POLA2: variants seen among roughly 807,000 people sequenced by gnomAD.
POLA2 encodes DNA polymerase alpha subunit B.
In POLA2, 47 loss-of-function variants were observed where a neutral mutation model predicts 82.8. That is an observed-to-expected ratio of 0.57 (90% confidence interval 0.45 to 0.72). The LOEUF is 0.72. Ranked by LOEUF, POLA2 falls within the 30% of genes least tolerant of loss-of-function variation. The probability of loss-of-function intolerance (pLI) is 0.00; values close to 1 mark genes in which losing one functional copy is unlikely to be tolerated. For synonymous variants in POLA2, 287 were observed against 286.8 expected, an observed-to-expected ratio of 1.00 and a Z score of -0.01; for missense variants, 634 against 728.1, an observed-to-expected ratio of 0.87 and a Z score of 1.49.
At chr11:65,286,467 C>T (rs1404614847) in intron 10 of POLA2, among the ~76,000 whole-genome samples, 3 of 151,720 alleles carry the variant, frequency 2.0e-5, no homozygotes, top group Non-Finnish European at 4.4e-5. Flanking sequence ...CAGCTCACTG[C>T]AGCCTCAACC....
intron 10 of POLA2, among the ~76,000 whole-genome samples, chr11:65,283,381 G>A (rs1949661436): frequency 6.6e-6 from 1 of 152,110 alleles, no homozygotes; most frequent in Non-Finnish European, 1.5e-5. Flanking sequence ...AAGATTAGGG[G>A]CCACTGGTGA....
At chr11:65,271,101 A>C (rs917199680) in intron 4 of POLA2, among the ~76,000 whole-genome samples, 8 of 152,102 alleles carry the variant, frequency 5.3e-5, no homozygotes, top group Non-Finnish European at 1.2e-4. Context: ...TTTTCTCCTT[A>C]TTATTCTCTT....
intron 4 of POLA2, among the ~76,000 whole-genome samples, chr11:65,273,846 A>G (rs569648374): frequency 1.8e-4 from 26 of 147,984 alleles, no homozygotes; most frequent in Middle Eastern, 3.5e-3. Flanking sequence ...CCCTAGGGGG[A>G]AAAAAAAAAC....
chr11:65,295,636 G>T, intron 16 of POLA2, 37 bp downstream of exon 16: 1 of 1,545,116 alleles, frequency 6.5e-7, no homozygotes. Flanking sequence ...TGTGGAGAGA[G>T]TGCCTTGGGG....
rs1397406928 is a variant in POLA2, at chr11:65,297,377, G to A, written c.*108G>A. ...AACAGTTGGGTGGGAAAGGAGAGAG[G>A]AGCCAGCCAGGGAGGGGCAGCTGCA... On this transcript the variant is annotated 3_prime_UTR_variant, in exon 18 of 18. Coordinates refer to ENST00000265465, the MANE Select transcript of POLA2 (RefSeq NM_002689.4). 17 of 1,329,630 alleles carry A rather than the reference G, an allele frequency of 1.3e-5. No homozygotes were observed. The highest frequency in any genetic ancestry group is 2.6e-4 in the Middle Eastern group (1 of 3,826). 82.4% of individuals were successfully genotyped at this position (1,329,630 alleles called of 1,614,324 possible).
At chr11:65,294,285 A>T in intron 14 of POLA2, 24 bp downstream of exon 14, 2 of 1,576,742 alleles carry the variant, frequency 1.3e-6, no homozygotes, top group South Asian at 1.1e-5. Flanking sequence ...CTCCTTGACC[A>T]GCAGGCAGCC....
chr11:65,279,532 T>C lies in POLA2; in HGVS notation c.656-6T>C, dbSNP rs777899115. 20 of 1,593,972 alleles carry C rather than the reference T, an allele frequency of 1.3e-5. 1 individual carries two copies. The highest frequency in any genetic ancestry group is 8.6e-5 in the Admixed American group (5 of 57,956). ...ATAATACTTTTTTCCACTTCTGGGA[T>C]TGTAGTTCTGACCTGTAAGATAGAA... On this transcript the variant is annotated splice_region_variant and splice_polypyrimidine_tract_variant and intron_variant, in intron 6 of 17. Coordinates refer to ENST00000265465, the MANE Select transcript of POLA2 (RefSeq NM_002689.4).
At chr11:65,293,363 A>G (rs927733851) in intron 13 of POLA2, among the ~76,000 whole-genome samples, 1 of 151,870 alleles carries the variant, frequency 6.6e-6, no homozygotes, top group Non-Finnish European at 1.5e-5. Flanking sequence ...TAATCCCAAC[A>G]CTTTGGGAGG....
chr11:65,284,601 C>G (rs1039574258), intron 10 of POLA2, among the ~76,000 whole-genome samples: 8 of 151,698 alleles, frequency 5.3e-5, no homozygotes, highest in Admixed American at 4.6e-4. Flanking sequence ...TCTCGGCTCA[C>G]CGCAACCTCC....
chr11:65,288,129 A>G (rs1208445867), intron 11 of POLA2, among the ~76,000 whole-genome samples: 3 of 152,082 alleles, frequency 2.0e-5, no homozygotes, highest in African/African-American at 7.2e-5. Context: ...AACATGGTGA[A>G]ACCCCATCTC....
intron 13 of POLA2, among the ~76,000 whole-genome samples, chr11:65,292,918 C>T (rs556467963): frequency 6.6e-6 from 1 of 152,296 alleles, no homozygotes; most frequent in East Asian, 1.9e-4. Flanking sequence ...TTATAAACGG[C>T]CCCTCTGCCA....
rs536641366 is a variant in POLA2, at chr11:65,261,981, A to G, written c.-312A>G. 9.1e-6 allele frequency: 4 copies of G among 438,104 alleles called. No individual in the cohort carries two copies. Among genetic ancestry groups the G allele is most frequent in the Non-Finnish European group, 4.1e-6 (1 of 244,880 alleles). The allele number at this position is 438,104 out of a possible 1,614,324, so 27.1% of individuals were successfully genotyped here. On this transcript the variant is annotated 5_prime_UTR_variant, in exon 1 of 18. Coordinates refer to ENST00000265465, the MANE Select transcript of POLA2 (RefSeq NM_002689.4). Reference sequence around the variant, plus strand: ...CCACTCAGTTCTGCCACCGTCACTGAGAAGCTCAGCGGTAGCTTTTGGGAA... The same window carrying G: ...CCACTCAGTTCTGCCACCGTCACTGGGAAGCTCAGCGGTAGCTTTTGGGAA...
chr11:65,296,980 G>A (rs910117478), intron 17 of POLA2, 140 bp from the exon 18 acceptor site: 1 of 673,344 alleles, frequency 1.5e-6, no homozygotes, highest in Non-Finnish European at 2.5e-6. Flanking sequence ...GACTGAAAAT[G>A]TGTCTGGTGA....
intron 15 of POLA2, 134 bp from the exon 16 acceptor site, chr11:65,295,406 C>T (rs1949799419): frequency 3.2e-5 from 24 of 757,598 alleles, no homozygotes; most frequent in South Asian, 2.9e-4. Context: ...TAAACTTCCC[C>T]AGAGGCATCC....
chr11:65,302,260 G>C (rs574767246), downstream of POLA2, among the ~76,000 whole-genome samples: 1 of 152,328 alleles, frequency 6.6e-6, no homozygotes, highest in African/African-American at 2.4e-5. Context: ...GCATTTTCGT[G>C]CTGAGTCAGC....
At chr11:65,296,610 A>G (rs1403323110) in intron 17 of POLA2, 1 of 157,990 alleles carries the variant, frequency 6.3e-6, no homozygotes, top group Admixed American at 6.0e-5. Context: ...CTTCTGTTTG[A>G]AAGACTTAAA....
chr11:65,280,855 C>T lies in POLA2; in HGVS notation c.745-137C>T, dbSNP rs987941646. 3.8e-6 allele frequency: 3 copies of T among 796,890 alleles called. No homozygotes were observed. The Admixed American group carries it at 7.6e-5, about 20-fold the overall frequency. The allele number at this position is 796,890 out of a possible 1,614,324, so 49.4% of individuals were successfully genotyped here. A position where few individuals can be genotyped will look rare whatever the true frequency, so the allele number is the denominator to read the frequency against. On this transcript the variant is annotated intron_variant, in intron 7 of 17. Coordinates refer to ENST00000265465, the MANE Select transcript of POLA2 (RefSeq NM_002689.4). ...GAGTCAGTGATGACGCGGTAGTCAC[C>T]TCAGGGTCAAAGCAATGCCCTGCCA...
At chr11:65,286,971 A>G (rs951809514) in intron 10 of POLA2, among the ~76,000 whole-genome samples, 5 of 152,264 alleles carry the variant, frequency 3.3e-5, no homozygotes, top group Non-Finnish European at 7.4e-5. Flanking sequence ...TCATCTGGGC[A>G]CCTCAGCTGG....
chr11:65,280,296 T>C (rs558053995), intron 7 of POLA2, among the ~76,000 whole-genome samples: 5 of 152,306 alleles, frequency 3.3e-5, no homozygotes, highest in African/African-American at 1.2e-4. Flanking sequence ...AGATGAGACT[T>C]CCTCTGTTTT....
Sources: allele counts gnomAD v4.1 joint callset (sites outside exome capture counted in the v4.1 genomes callset), GRCh38; gene constraint gnomAD v4.1.1; transcripts MANE v1.5; gene names NCBI Gene and HGNC (gene_info 2026-07-23, HGNC 2026-07-21).